VTI1A: variants seen among roughly 807,000 people sequenced by gnomAD.
VTI1A encodes vesicle transport through interaction with t-SNAREs homolog 1A.
A neutral mutation model predicts 34.9 loss-of-function variants in VTI1A; 22 were observed. The observed-to-expected ratio is 0.63, with a 90% CI of 0.45 to 0.90. VTI1A has a LOEUF of 0.90. Among genes scored for constraint, VTI1A ranks in the 40% least tolerant of loss-of-function variants. VTI1A has a pLI of 0.00. For missense variants in VTI1A, 268 were observed against 275.6 expected (o/e 0.97, Z 0.20); for synonymous variants, 87 against 97.3 (o/e 0.89, Z 0.62).
intron 5 of VTI1A, among the ~76,000 whole-genome samples, chr10:112,607,338 G>C (rs958939143): frequency 1.3e-5 from 2 of 151,462 alleles, no homozygotes; most frequent in African/African-American, 4.9e-5. Context: ...GGCTGTCCAA[G>C]ACCATATAGG....
At chr10:112,611,983 C>T (rs995307167) in intron 5 of VTI1A, among the ~76,000 whole-genome samples, 10 of 151,878 alleles carry the variant, frequency 6.6e-5, no homozygotes, top group Non-Finnish European at 1.2e-4. Flanking sequence ...CCTCGTGGTC[C>T]GCCCGCCTCG....
rs1004149922 is a variant in VTI1A, at chr10:112,767,438, T to C, written c.561-47852T>C. Among the ~76,000 whole-genome samples the C allele has an allele frequency of 6.6e-6, 1 of 152,192 alleles. No homozygotes were observed. Among genetic ancestry groups the C allele is most frequent in the Non-Finnish European group, 1.5e-5 (1 of 68,042 alleles). On this transcript the variant is annotated intron_variant, in intron 7 of 7. Coordinates refer to ENST00000393077, the MANE Select transcript of VTI1A (RefSeq NM_145206.4). This position sits in a 1 kb window ranked among gnomAD's most constrained non-coding sequence, Gnocchi z 4.0. ...AAACCCTGATTGCAGACCCAGTGCC[T>C]AAAAGGAAGTAAGTGCCTATTCAAT...
intron 5 of VTI1A, among the ~76,000 whole-genome samples, chr10:112,652,519 G>T (rs1485699872): frequency 6.6e-6 from 1 of 152,068 alleles, no homozygotes; most frequent in South Asian, 2.1e-4. Flanking sequence ...CCAGGAGTTT[G>T]AGACCAGCCT....
In VTI1A at chr10:112,796,705, G is replaced by T. The variant is rs536324961; in HGVS notation, c.561-18585G>T. Reference sequence around the variant, plus strand: ...CCCTGGGAGGGAAAAGTTCTTCCTGGGCCTGTAAAAGGCATTCTGTTTAGG... The same window carrying T: ...CCCTGGGAGGGAAAAGTTCTTCCTGTGCCTGTAAAAGGCATTCTGTTTAGG... On this transcript the variant is annotated intron_variant, in intron 7 of 7. Transcript: ENST00000393077. Among the ~76,000 whole-genome samples, 3 of 152,246 alleles carry T rather than the reference G, an allele frequency of 2.0e-5. No individual in the cohort carries two copies. The East Asian group carries it at 5.8e-4, about 29-fold the overall frequency.
chr10:112,779,429 C>G (rs957016327), intron 7 of VTI1A, among the ~76,000 whole-genome samples: 1 of 152,106 alleles, frequency 6.6e-6, no homozygotes, highest in Non-Finnish European at 1.5e-5. Context: ...TAAACTGTTA[C>G]CCATAAAATA....
chr10:112,809,148 C>T (rs1277514721), intron 7 of VTI1A, among the ~76,000 whole-genome samples: 1 of 152,122 alleles, frequency 6.6e-6, no homozygotes, highest in Non-Finnish European at 1.5e-5. Context: ...CATAGAAGAC[C>T]CAAGATGGGC....
chr10:112,758,426 T>G (rs1851358016), intron 7 of VTI1A, among the ~76,000 whole-genome samples: 1 of 152,118 alleles, frequency 6.6e-6, no homozygotes, highest in African/African-American at 2.4e-5. Flanking sequence ...GGGTACAGGT[T>G]AAAAAGACTC....
intron 7 of VTI1A, among the ~76,000 whole-genome samples, chr10:112,751,002 C>A (rs965165405): frequency 6.6e-6 from 1 of 152,106 alleles, no homozygotes; most frequent in Non-Finnish European, 1.5e-5. Flanking sequence ...GTTGGTTTTC[C>A]CCTATTTTTA....
intron 7 of VTI1A, among the ~76,000 whole-genome samples, chr10:112,782,996 A>T (rs750425743): frequency 7.2e-5 from 11 of 152,242 alleles, no homozygotes; most frequent in Non-Finnish European, 1.6e-4. Flanking sequence ...AAAGATGTTC[A>T]AATAACACAC....
chr10:112,557,301 G>A (rs936372089), intron 5 of VTI1A, among the ~76,000 whole-genome samples: 9 of 152,134 alleles, frequency 5.9e-5, no homozygotes, highest in African/African-American at 1.4e-4. Flanking sequence ...AACTTGGAGT[G>A]TGTACCTTGG....
the VTI1A span, among the ~76,000 whole-genome samples, chr10:112,834,413 G>T: frequency 2.0e-5 from 3 of 152,196 alleles, no homozygotes; most frequent in African/African-American, 7.2e-5. Flanking sequence ...GGCCAAACAA[G>T]GAGGTCCCAA....
chr10:112,609,849 C>T (rs1351321449), intron 5 of VTI1A, among the ~76,000 whole-genome samples: 1 of 152,078 alleles, frequency 6.6e-6, no homozygotes. Context: ...GGGTTTGCTG[C>T]TGAAGTCTCC....
At chr10:112,615,227 A>G (rs1486075529) in intron 5 of VTI1A, among the ~76,000 whole-genome samples, 1 of 152,234 alleles carries the variant, frequency 6.6e-6, no homozygotes, top group Admixed American at 6.5e-5. Flanking sequence ...AATTATTTGC[A>G]AGAATAAACT....
At chr10:112,516,687 A>T (rs1849794030) in intron 3 of VTI1A, among the ~76,000 whole-genome samples, 2 of 152,118 alleles carry the variant, frequency 1.3e-5, no homozygotes, top group Admixed American at 1.3e-4. Flanking sequence ...AATGCATAAG[A>T]TAACAAACAT....
At chr10:112,527,706 C>CACA (rs149467386) in intron 4 of VTI1A, among the ~76,000 whole-genome samples, 1 of 147,078 alleles carries the variant, frequency 6.8e-6, no homozygotes, top group African/African-American at 2.5e-5. Context: ...AAATAATAGT[C>CACA]ATAATAATAA....
intron 1 of VTI1A, chr10:112,449,023 G>C (rs986923744): frequency 6.6e-6 from 1 of 152,292 alleles, no homozygotes; most frequent in African/African-American, 2.4e-5. Flanking sequence ...AACCAAGGTA[G>C]TATATACCAC....
intron 7 of VTI1A, among the ~76,000 whole-genome samples, chr10:112,749,334 G>T (rs1220056887): frequency 1.3e-5 from 2 of 151,908 alleles, no homozygotes; most frequent in Non-Finnish European, 1.5e-5. Flanking sequence ...GACTTTCTCA[G>T]AAAAACTACA....
intron 7 of VTI1A, among the ~76,000 whole-genome samples, chr10:112,695,305 A>T (rs1217530872): frequency 6.6e-6 from 1 of 152,174 alleles, no homozygotes; most frequent in African/African-American, 2.4e-5. Context: ...AGTAAGAAAC[A>T]TTGGGTATAA....
the VTI1A span, among the ~76,000 whole-genome samples, chr10:112,828,862 A>C: frequency 6.6e-5 from 10 of 151,588 alleles, no homozygotes; most frequent in Admixed American, 2.0e-4. Flanking sequence ...AGAAAAAAAA[A>C]AAACAAACCA....
Sources: allele counts gnomAD v4.1 joint callset (sites outside exome capture counted in the v4.1 genomes callset), GRCh38; gene constraint gnomAD v4.1.1; non-coding constraint Gnocchi (gnomAD v3.1); transcripts MANE v1.5; gene names NCBI Gene and HGNC (gene_info 2026-07-23, HGNC 2026-07-21).